GABBR2: variants seen among roughly 807,000 people sequenced by gnomAD.
GABBR2 encodes the protein G-protein coupled receptor 51.
GABBR2 carries 23 observed loss-of-function variants against 105.6 expected under a neutral mutation model. The ratio of observed to expected loss-of-function variants is 0.22; its 90% confidence interval spans 0.16 to 0.31. The LOEUF is 0.31. GABBR2 is among the 10% of genes least tolerant of loss of function. The pLI, the probability that GABBR2 is intolerant of heterozygous loss-of-function variation, is 1.00. For missense variants in GABBR2, 734 were observed against 1,245.5 expected (o/e 0.59, Z 6.18); for synonymous variants, 478 against 499.7 (o/e 0.96, Z 0.58).
At chr9:98,301,111 G>C (rs1830462326) in intron 16 of GABBR2, among the ~76,000 whole-genome samples, 1 of 152,118 alleles carries the variant, frequency 6.6e-6, no homozygotes, top group Non-Finnish European at 1.5e-5. Flanking sequence ...GTTTCCCTGG[G>C]TTCCGTGAGC....
Position 98,341,120 on chromosome 9 carries a change from A to G in GABBR2, c.1893+21595T>C, listed in dbSNP as rs901135935. Among the ~76,000 whole-genome samples the G allele has an allele frequency of 2.0e-5, 3 of 152,356 alleles. No individual in the cohort carries two copies. The East Asian group carries it at 5.8e-4, about 29-fold the overall frequency. ...CTGGCCCCATGTGCTGCCCACAGAC[A>G]TAAGGGAAGCCAACAAGGAAGATGA... is the stretch of plus-strand genomic sequence containing the variant. On this transcript the variant is annotated intron_variant, in intron 13 of 18. Transcript: ENST00000259455.
chr9:98,432,381 T>C (rs1825828170), intron 7 of GABBR2, among the ~76,000 whole-genome samples: 1 of 152,082 alleles, frequency 6.6e-6, no homozygotes, highest in African/African-American at 2.4e-5. Flanking sequence ...TTGAAGATGA[T>C]CGCTGTATAT....
Position 98,661,996 on chromosome 9 carries a change from A to T in GABBR2, c.321+46421T>A, listed in dbSNP as rs565105372. 2.0e-4 allele frequency among the ~76,000 whole-genome samples: 30 copies of T among 152,306 alleles called. 1 individual carries two copies. In the South Asian group the frequency reaches 6.2e-3, roughly 32 times the overall value. On this transcript the variant is annotated intron_variant, in intron 1 of 18. Transcript: ENST00000259455. ...ATCGCAGCTCAACTTCTCCCACTTC[A>T]GTTCAACTTCTGCTTCACTTCAACT...
rs1324541591 is a variant in GABBR2 at position 98,454,093 on chromosome 9, G to A, written c.1124C>T (p.Thr375Ile). 2 of 1,614,108 alleles carry A rather than the reference G, an allele frequency of 1.2e-6. No individual in the cohort carries two copies. Among genetic ancestry groups the A allele is most frequent in the Non-Finnish European group, 1.7e-6 (2 of 1,179,954 alleles). Residue 375 changes from threonine (T) to isoleucine (I), a missense_variant, in exon 7 of 19, where the codon ACA (threonine) becomes ATA (isoleucine). Thr to Ile is a moderately conservative substitution (Grantham distance 89, BLOSUM62 -1). This residue lies in a region of GABBR2 where 370 missense variants were observed against 648.9 expected (regional missense o/e 0.57). Transcript: ENST00000259455. This position sits in a 1 kb window ranked among gnomAD's most constrained non-coding sequence, Gnocchi z 4.6. ...IAKTLQRAME[T>I]LHASSRHQRI... ...CTGGTGCCGGCTGCTGGCATGCAGT[G>A]TCTCCATGGCCCTCTGCAGTGTCTT...
intron 1 of GABBR2, among the ~76,000 whole-genome samples, chr9:98,639,427 A>C (rs1170186299): frequency 1.3e-5 from 2 of 152,106 alleles, no homozygotes; most frequent in Non-Finnish European, 2.9e-5. Flanking sequence ...GAAGACTGTC[A>C]TTGCCCTGGA....
At chr9:98,447,218 C>A (rs1197950280) in intron 7 of GABBR2, among the ~76,000 whole-genome samples, 3 of 141,392 alleles carry the variant, frequency 2.1e-5, no homozygotes, top group Non-Finnish European at 4.6e-5. Flanking sequence ...CCCGCCACTA[C>A]GCCCGGCTAA....
At chr9:98,325,264 T>C (rs932563194) in intron 13 of GABBR2, among the ~76,000 whole-genome samples, 5 of 150,494 alleles carry the variant, frequency 3.3e-5, no homozygotes, top group African/African-American at 4.9e-5. Context: ...GCTCTTCCCT[T>C]GGCTCTAGGA....
At chr9:98,508,584 C>A (rs540882431) in intron 3 of GABBR2, among the ~76,000 whole-genome samples, 1 of 152,198 alleles carries the variant, frequency 6.6e-6, no homozygotes, top group African/African-American at 2.4e-5. Context: ...GCTTTTCCAA[C>A]GGGCTTAAAA....
intron 1 of GABBR2, among the ~76,000 whole-genome samples, chr9:98,630,786 T>C (rs900289213): frequency 1.3e-5 from 2 of 152,182 alleles, no homozygotes; most frequent in African/African-American, 4.8e-5. Context: ...GGATGGCTTT[T>C]AAGAGGACAC....
intron 1 of GABBR2, among the ~76,000 whole-genome samples, chr9:98,594,510 G>A (rs953527789): frequency 6.6e-6 from 1 of 152,180 alleles, no homozygotes; most frequent in East Asian, 1.9e-4. Flanking sequence ...GAGGGGCTCT[G>A]GGAGAGGAAT....
intron 1 of GABBR2, among the ~76,000 whole-genome samples, chr9:98,691,488 G>T (rs893672564): frequency 6.6e-6 from 1 of 152,216 alleles, no homozygotes; most frequent in Non-Finnish European, 1.5e-5. Context: ...TGACTGGGGG[G>T]TTGTGTTCTC....
rs35341252 is a variant in GABBR2 at position 98,668,883 on chromosome 9, TTGTGTGTGTG to T, written c.321+39524_321+39533del. Reference sequence around the variant, plus strand: ...CTTTCAGGATAAATTATATTCCATTTTGTGTGTGTGTGTGTGTGTGTGTGTGTGTGTGTGT... The same window carrying T: ...CTTTCAGGATAAATTATATTCCATTTTGTGTGTGTGTGTGTGTGTGTGTGT... On this transcript the variant is annotated intron_variant, in intron 1 of 18. Coordinates refer to ENST00000259455, the MANE Select transcript of GABBR2 (RefSeq NM_005458.8). 7.6e-3 allele frequency among the ~76,000 whole-genome samples: 1,128 copies of T among 147,702 alleles called. 15 individuals carry two copies. Among genetic ancestry groups the T allele is most frequent in the African/African-American group, 0.026 (1,062 of 40,236 alleles).
chr9:98,650,197 C>G (rs1189559472), intron 1 of GABBR2, among the ~76,000 whole-genome samples: 1 of 152,172 alleles, frequency 6.6e-6, no homozygotes, highest in Non-Finnish European at 1.5e-5. Flanking sequence ...CTCCTTGTCA[C>G]TGAATAATGC....
intron 1 of GABBR2, among the ~76,000 whole-genome samples, chr9:98,580,759 C>T (rs1828989899): frequency 6.6e-6 from 1 of 152,180 alleles, no homozygotes; most frequent in African/African-American, 2.4e-5. Context: ...TGCACTCCAG[C>T]TTGACAGAGC....
chr9:98,581,731 T>C (rs989562438), intron 1 of GABBR2, among the ~76,000 whole-genome samples: 8 of 152,212 alleles, frequency 5.3e-5, no homozygotes, highest in African/African-American at 1.9e-4. Context: ...TTTTAATACA[T>C]TTCTGTAATG....
chr9:98,532,956 G>T (rs180687697), intron 3 of GABBR2, among the ~76,000 whole-genome samples: 1 of 152,282 alleles, frequency 6.6e-6, no homozygotes, highest in East Asian at 1.9e-4. Flanking sequence ...CACGTGGCAG[G>T]TTCCTGGGGA....
chr9:98,678,796 G>A (rs1830505974), intron 1 of GABBR2, among the ~76,000 whole-genome samples: 1 of 152,124 alleles, frequency 6.6e-6, no homozygotes, highest in South Asian at 2.1e-4. Context: ...AGTACCTACT[G>A]CAGGGAAGAC....
chr9:98,566,157 T>G (rs982899933), intron 2 of GABBR2, among the ~76,000 whole-genome samples: 1 of 152,214 alleles, frequency 6.6e-6, no homozygotes, highest in South Asian at 2.1e-4. Context: ...GGGACTTTCC[T>G]GGTTTGAATA....
chr9:98,687,261 C>T (rs113958823), intron 1 of GABBR2, among the ~76,000 whole-genome samples: 2 of 151,760 alleles, frequency 1.3e-5, no homozygotes, highest in African/African-American at 4.8e-5. Context: ...ACGGACGGAA[C>T]ATTACTATGA....
Sources: gnomAD v4.1 joint callset for allele counts (sites outside exome capture counted in the v4.1 genomes callset) on GRCh38, gnomAD v4.1.1 for gene constraint, gnomAD v4.1.1 regional missense constraint, Gnocchi (gnomAD v3.1) non-coding constraint, MANE v1.5 for transcripts, NCBI Gene and HGNC (gene_info 2026-07-23, HGNC 2026-07-21) for gene names.